The following ZBED6 variants were observed in gnomAD, a reference collection of about 807,000 sequenced individuals.
ZBED6 encodes zinc finger BED-type containing 6.
Under a neutral mutation model 58.4 loss-of-function variants are expected in ZBED6, and 40 were observed. The observed-to-expected ratio is 0.68, with a 90% CI of 0.53 to 0.89. The LOEUF is 0.89. Ranked by LOEUF, ZBED6 falls within the 40% of genes least tolerant of loss-of-function variation. The pLI, the probability that ZBED6 is intolerant of heterozygous loss-of-function variation, is 0.00. For synonymous variants in ZBED6, 439 were observed against 350.6 expected, an observed-to-expected ratio of 1.25 and a Z score of -2.82; for missense variants, 1,057 against 1,003.9, an observed-to-expected ratio of 1.05 and a Z score of -0.71.
chr1:203,818,545 T>C, intron 2 of ZBED6, 25 bp from the exon 3 acceptor site: 3 of 1,613,724 alleles, frequency 1.9e-6, no homozygotes, highest in Non-Finnish European at 2.5e-6. Flanking sequence ...ATGCTACAAA[T>C]AGAGTGTTCT....
chr1:203,841,163 T>TA lies in ZBED6; in HGVS notation c.*3741+789_*3741+790insA, dbSNP rs1429649502. On this transcript the variant is annotated intron_variant, in intron 11 of 16. Coordinates refer to ENST00000550078, the Ensembl canonical transcript of ZBED6. ...GAATCTTTTTTTTTTTTTTATTTTT[T>TA]TTTTTAGTATTTATTGATCATTCTT... Among the ~76,000 whole-genome samples the TA allele has an allele frequency of 1.1e-4, 17 of 151,878 alleles. No individual in the cohort carries two copies. The East Asian group carries it at 1.4e-3, about 12-fold the overall frequency.
At chr1:203,834,333 G>C (rs1430539163) in intron 9 of ZBED6, among the ~76,000 whole-genome samples, 2 of 152,106 alleles carry the variant, frequency 1.3e-5, no homozygotes. Flanking sequence ...GTGCAGTGGT[G>C]CAATCTCAGC....
chr1:203,840,694 C>T (rs1479916912), intron 11 of ZBED6, among the ~76,000 whole-genome samples: 1 of 151,770 alleles, frequency 6.6e-6, no homozygotes, highest in African/African-American at 2.4e-5. Flanking sequence ...AGTTAAATGG[C>T]AAGGTCTCAG....
chr1:203,800,681 A>G (rs1168029888), exon 1 of ZBED6: 6 of 404,332 alleles, frequency 1.5e-5, no homozygotes, highest in Non-Finnish European at 2.6e-5. Context: ...AATTTTGCTT[A>G]TACCAATGAG....
At chr1:203,809,221 G>T (rs1296083928) in intron 1 of ZBED6, among the ~76,000 whole-genome samples, 1 of 133,140 alleles carries the variant, frequency 7.5e-6, no homozygotes, top group Admixed American at 8.5e-5. Flanking sequence ...TGTCTCCCAG[G>T]CTGGAGTGCA....
At chr1:203,818,819 C>T in intron 3 of ZBED6, 130 bp downstream of exon 3, 2 of 1,416,914 alleles carry the variant, frequency 1.4e-6, no homozygotes, top group Non-Finnish European at 9.5e-7. Flanking sequence ...CCTGTAGTTC[C>T]AGCACTTTGG....
chr1:203,798,600 G>A, exon 1 of ZBED6: 2 of 1,536,162 alleles, frequency 1.3e-6, no homozygotes, highest in Non-Finnish European at 1.7e-6. Context: ...AGATTTAACA[G>A]CTGAGGACCT....
chr1:203,850,732 A>G (rs1159169958), intron 15 of ZBED6, 51 bp downstream of exon 15: 2 of 1,579,002 alleles, frequency 1.3e-6, no homozygotes, highest in East Asian at 4.7e-5. Flanking sequence ...GTAGGAAAGC[A>G]GGAAAGACTA....
At chr1:203,811,203 G>A (rs968570033) in intron 1 of ZBED6, among the ~76,000 whole-genome samples, 9 of 151,660 alleles carry the variant, frequency 5.9e-5, no homozygotes, top group African/African-American at 1.9e-4. Context: ...AGCTACTTGG[G>A]AGGCTGAGGC....
exon 1 of ZBED6, chr1:203,801,307 C>G (rs1370528941): frequency 6.6e-6 from 1 of 152,098 alleles, no homozygotes; most frequent in Non-Finnish European, 1.5e-5. Context: ...TAAAAACATA[C>G]TTAATGACCC....
chr1:203,836,438 CTTGTA>C (rs1157294859), intron 9 of ZBED6, among the ~76,000 whole-genome samples: 1 of 152,140 alleles, frequency 6.6e-6, no homozygotes, highest in Non-Finnish European at 1.5e-5. Flanking sequence ...TTTTAAACAA[CTTGTA>C]TTGAACAGTG....
At chr1:203,828,219 C>T in intron 3 of ZBED6, 80 bp from the exon 4 acceptor site, 46 of 1,559,658 alleles carry the variant, frequency 2.9e-5, no homozygotes, top group Middle Eastern at 1.8e-4. Flanking sequence ...CCTGTATGAA[C>T]TTTGTCTAGA....
chr1:203,807,036 A>T (rs1672645167), intron 1 of ZBED6, among the ~76,000 whole-genome samples: 1 of 151,440 alleles, frequency 6.6e-6, no homozygotes. Context: ...TTGATTATGT[A>T]GTGTTATTTA....
At chr1:203,838,775 A>G (rs980047143) in intron 10 of ZBED6, among the ~76,000 whole-genome samples, 1 of 151,938 alleles carries the variant, frequency 6.6e-6, no homozygotes, top group Non-Finnish European at 1.5e-5. Context: ...ACATGGCAAA[A>G]CCCCATCTTT....
chr1:203,851,058 C>G, exon 16 of ZBED6: 2 of 1,614,150 alleles, frequency 1.2e-6, no homozygotes, highest in South Asian at 2.2e-5. Context: ...CTTTTGTAGG[C>G]TGTTGTCCCG....
chr1:203,817,173 G>T (rs1676633541), intron 2 of ZBED6, 49 bp downstream of exon 2: 5 of 1,476,682 alleles, frequency 3.4e-6, no homozygotes, highest in Middle Eastern at 1.8e-4. Flanking sequence ...TTGCTTAATA[G>T]AATTGGATAA....
chr1:203,850,412 G>A, intron 14 of ZBED6, 103 bp from the exon 15 acceptor site: 3 of 1,469,502 alleles, frequency 2.0e-6, no homozygotes, highest in African/African-American at 1.4e-5. Context: ...AATTATTTGT[G>A]GTATTTCTAG....
chr1:203,803,510 T>G (rs1363205045), intron 1 of ZBED6, among the ~76,000 whole-genome samples: 2 of 152,162 alleles, frequency 1.3e-5, no homozygotes, highest in Non-Finnish European at 2.9e-5. Flanking sequence ...TCTTTCTTTG[T>G]TTTGATAATA....
intron 11 of ZBED6, 131 bp downstream of exon 11, chr1:203,840,505 A>C: frequency 1.2e-6 from 1 of 847,480 alleles, no homozygotes; most frequent in South Asian, 1.9e-5. Flanking sequence ...TTTGTTTTTT[A>C]AGTAATTGAT....
Sources: allele counts gnomAD v4.1 joint callset (sites outside exome capture counted in the v4.1 genomes callset), GRCh38; gene constraint gnomAD v4.1.1; transcripts MANE v1.5; gene names NCBI Gene and HGNC (gene_info 2026-07-23, HGNC 2026-07-21).